The following MTUS1 variants were observed in gnomAD, a reference collection of about 807,000 sequenced individuals.
The protein encoded by MTUS1 is microtubule associated scaffold protein 1.
MTUS1 carries 109 observed loss-of-function variants against 120.8 expected under a neutral mutation model. The ratio of observed to expected loss-of-function variants is 0.90; its 90% CI spans 0.77 to 1.06. The LOEUF is 1.06. Among genes scored for constraint, MTUS1 ranks in the 50% least tolerant of loss-of-function variants. The pLI, the probability that MTUS1 is intolerant of heterozygous loss-of-function variation, is 0.00. For missense variants in MTUS1, 2,210 were observed against 1,486.3 expected, an observed-to-expected ratio of 1.49 and a Z score of -8.01; for synonymous variants, 737 against 550.5, an observed-to-expected ratio of 1.34 and a Z score of -4.74.
intron 6 of MTUS1, chr8:17,697,678 T>C: frequency 9.6e-7 from 1 of 1,041,948 alleles, no homozygotes; most frequent in Non-Finnish European, 1.2e-6. Flanking sequence ...TGTGCATGCT[T>C]GTGGAGTTGT....
chr8:17,764,233 A>C (rs1403815728), intron 1 of MTUS1, among the ~76,000 whole-genome samples: 1 of 152,066 alleles, frequency 6.6e-6, no homozygotes, highest in Non-Finnish European at 1.5e-5. Flanking sequence ...AATATGAAAA[A>C]ACTCTATGAT....
At chr8:17,769,939 G>A (rs1242400451) in intron 1 of MTUS1, among the ~76,000 whole-genome samples, 1 of 147,046 alleles carries the variant, frequency 6.8e-6, no homozygotes, top group Non-Finnish European at 1.5e-5. Flanking sequence ...GGGGGGGTTG[G>A]GGGGGAAGCA....
At chr8:17,794,991 A>G (rs2052104328) in intron 1 of MTUS1, among the ~76,000 whole-genome samples, 1 of 152,210 alleles carries the variant, frequency 6.6e-6, no homozygotes, top group Non-Finnish European at 1.5e-5. Context: ...CATTAAGGAA[A>G]ATAAATTTCT....
intron 3 of MTUS1, among the ~76,000 whole-genome samples, chr8:17,726,717 C>T (rs2046252745): frequency 6.6e-6 from 1 of 152,114 alleles, no homozygotes; most frequent in African/African-American, 2.4e-5. Context: ...GGTTAGCCAC[C>T]AGTTTTACTT....
chr8:17,672,969 G>A (rs1173684689), intron 8 of MTUS1, among the ~76,000 whole-genome samples: 3 of 152,206 alleles, frequency 2.0e-5, no homozygotes, highest in Admixed American at 6.5e-5. Flanking sequence ...GAGCGAATGG[G>A]CACAGTGTTC....
At chr8:17,792,149 G>A (rs2051842492) in intron 1 of MTUS1, among the ~76,000 whole-genome samples, 1 of 151,994 alleles carries the variant, frequency 6.6e-6, no homozygotes, top group Non-Finnish European at 1.5e-5. Context: ...ATGTCCCCAG[G>A]GTTTCATAAT....
chr8:17,675,910 C>G (rs773958176), intron 7 of MTUS1: 119 of 181,576 alleles, frequency 6.6e-4, no homozygotes, highest in Non-Finnish European at 1.7e-4. Context: ...ATCAGAGAAG[C>G]AAGTATCAAC....
At chr8:17,659,135 G>C (rs1809118550) in intron 8 of MTUS1, among the ~76,000 whole-genome samples, 1 of 152,068 alleles carries the variant, frequency 6.6e-6, no homozygotes, top group Non-Finnish European at 1.5e-5. Context: ...AAGCGTGAGA[G>C]GATGGGTTTC....
intron 6 of MTUS1, among the ~76,000 whole-genome samples, chr8:17,695,654 G>C (rs908026904): frequency 1.3e-5 from 2 of 152,006 alleles, no homozygotes; most frequent in East Asian, 3.9e-4. Flanking sequence ...TAGAGCACTG[G>C]TTAAGTAAAT....
intron 3 of MTUS1, among the ~76,000 whole-genome samples, chr8:17,726,808 T>A (rs1358319388): frequency 1.3e-5 from 2 of 151,964 alleles, no homozygotes; most frequent in Non-Finnish European, 2.9e-5. Flanking sequence ...CACTGATGAG[T>A]CATCATCAAA....
At chr8:17,742,736 T>C (rs1320322916) in intron 3 of MTUS1, among the ~76,000 whole-genome samples, 1 of 152,162 alleles carries the variant, frequency 6.6e-6, no homozygotes, top group Admixed American at 6.5e-5. Flanking sequence ...GGTTGAAAAA[T>C]GAAACCTACA....
intron 4 of MTUS1, chr8:17,721,812 A>AC: frequency 6.2e-7 from 1 of 1,614,134 alleles, no homozygotes; most frequent in Non-Finnish European, 8.5e-7. Flanking sequence ...GCCTCTCTGA[A>AC]CCAGCCGGTG....
intron 14 of MTUS1, 138 bp downstream of exon 14, chr8:17,646,842 CCA>C (rs1805895151): frequency 1.6e-6 from 1 of 643,166 alleles, no homozygotes; most frequent in Non-Finnish European, 2.7e-6. Context: ...ATCATATTTT[CCA>C]CAGAGAAATC....
intron 5 of MTUS1, 44 bp downstream of exon 5, chr8:17,715,723 T>G (rs1822187064): frequency 6.4e-7 from 1 of 1,561,066 alleles, no homozygotes; most frequent in African/African-American, 1.4e-5. Context: ...CCAAGGACTT[T>G]AAGCGTCTTG....
intron 4 of MTUS1, 146 bp downstream of exon 4, chr8:17,723,526 C>T (rs1366613121): frequency 1.2e-6 from 1 of 814,992 alleles, no homozygotes; most frequent in Admixed American, 2.2e-5. Flanking sequence ...TTTTTTCTGC[C>T]AAACTTTCAG....
intron 4 of MTUS1, among the ~76,000 whole-genome samples, chr8:17,718,671 T>C (rs897336796): frequency 5.9e-5 from 9 of 151,996 alleles, no homozygotes; most frequent in Non-Finnish European, 1.0e-4. Context: ...TGATCTAATA[T>C]GTAGTTTAAA....
chr8:17,685,438 C>A (rs1815570843), intron 6 of MTUS1, among the ~76,000 whole-genome samples: 1 of 151,156 alleles, frequency 6.6e-6, no homozygotes, highest in Non-Finnish European at 1.5e-5. Flanking sequence ...GCCAAGTAAT[C>A]CAAACAAATG....
chr8:17,796,777 A>C (rs1473946192), intron 1 of MTUS1, among the ~76,000 whole-genome samples: 1 of 152,204 alleles, frequency 6.6e-6, no homozygotes, highest in African/African-American at 2.4e-5. Context: ...AACCATCATC[A>C]GGGCAATCAT....
At chr8:17,708,106 A>C (rs566623807) in intron 6 of MTUS1, among the ~76,000 whole-genome samples, 129 of 152,372 alleles carry the variant, frequency 8.5e-4, no homozygotes, top group South Asian at 4.1e-3. Flanking sequence ...AAAGTTGATA[A>C]AGTGGACCTT....
Sources: allele counts gnomAD v4.1 joint callset (sites outside exome capture counted in the v4.1 genomes callset), GRCh38; gene constraint gnomAD v4.1.1; transcripts MANE v1.5; gene names NCBI Gene and HGNC (gene_info 2026-07-23, HGNC 2026-07-21).